FAM20B: variants seen among roughly 807,000 people sequenced by gnomAD.
FAM20B encodes the protein glycosaminoglycan xylosylkinase.
Under a neutral mutation model 43.8 loss-of-function variants are expected in FAM20B, and 23 were observed. That is an observed-to-expected ratio of 0.53 (90% CI 0.38 to 0.74). The LOEUF is 0.74. Ranked by LOEUF, FAM20B falls within the 30% of genes least tolerant of loss-of-function variation. The pLI, the probability that FAM20B is intolerant of heterozygous loss-of-function variation, is 0.00. For missense variants in FAM20B, 440 were observed against 510.5 expected, an observed-to-expected ratio of 0.86 and a Z score of 1.33; for synonymous variants, 178 against 192.4, an observed-to-expected ratio of 0.93 and a Z score of 0.62.
intron 1 of FAM20B, among the ~76,000 whole-genome samples, chr1:179,040,981 C>T (rs144278787): frequency 3.5e-5 from 5 of 140,948 alleles, no homozygotes; most frequent in Admixed American, 6.9e-5. Flanking sequence ...CAGACGGGGC[C>T]GGCGGGCAGA....
In FAM20B at chr1:179,072,881, C is replaced by G. The variant is rs924526136; in HGVS notation, c.*737C>G. ...TAAGGTGTATAAAAAGCAAACATGACTTTGCACCTAAGTAAATTCTGCATT... is the reference window on the plus strand; with the variant it reads ...TAAGGTGTATAAAAAGCAAACATGAGTTTGCACCTAAGTAAATTCTGCATT... On this transcript the variant is annotated 3_prime_UTR_variant, in exon 8 of 8. Coordinates refer to ENST00000263733, the MANE Select transcript of FAM20B (RefSeq NM_014864.4). 1.3e-5 allele frequency: 2 copies of G among 152,194 alleles called. No individual in the cohort carries two copies. Among genetic ancestry groups the G allele is most frequent in the African/African-American group, 2.4e-5 (1 of 41,448 alleles). 9.4% of individuals were successfully genotyped at this position (152,194 alleles called of 1,614,324 possible). A position where few individuals can be genotyped will look rare whatever the true frequency, so the allele number is the denominator to read the frequency against.
chr1:179,041,396 G>A lies in FAM20B; in HGVS notation c.-133-2319G>A, dbSNP rs1572537628. Among the ~76,000 whole-genome samples, 7 of 152,232 alleles carry A rather than the reference G, an allele frequency of 4.6e-5. No individual in the cohort carries two copies. The South Asian group carries it at 1.4e-3, about 32-fold the overall frequency. On this transcript the variant is annotated intron_variant, in intron 1 of 7. Transcript: ENST00000263733. ...GCACTGAGTGAACGAGACTCCGTCT[G>A]CAATCCCGGCACGTCTGGAGGCCGA...
At chr1:179,038,702 G>C (rs1413078940) in intron 1 of FAM20B, among the ~76,000 whole-genome samples, 1 of 152,206 alleles carries the variant, frequency 6.6e-6, no homozygotes, top group East Asian at 1.9e-4. Context: ...TTCTCTGCTA[G>C]CACTGCTGTT....
At chr1:179,071,518 C>T (rs1160888018) in intron 7 of FAM20B, among the ~76,000 whole-genome samples, 1 of 152,098 alleles carries the variant, frequency 6.6e-6, no homozygotes, top group Non-Finnish European at 1.5e-5. Context: ...CCTCTTCCCC[C>T]CACCCAGCAT....
At chr1:179,025,664 T>G (rs1649726028), upstream of FAM20B, 1 of 152,406 alleles carries the variant, frequency 6.6e-6, no homozygotes, top group African/African-American at 2.4e-5. Flanking sequence ...GGCCAGTTTA[T>G]GTAAGCGGGC....
intron 3 of FAM20B, among the ~76,000 whole-genome samples, chr1:179,054,281 CTG>C (rs552537596): frequency 6.6e-6 from 1 of 151,966 alleles, no homozygotes; most frequent in African/African-American, 2.4e-5. Flanking sequence ...TATACCCACT[CTG>C]TAGATTTAAA....
At position 179,043,973 on chromosome 1, in the gene FAM20B, C is replaced by T. The variant is rs1213965920; in HGVS notation, c.126C>T (p.His42=). The part of the protein sequence containing the change: ...AANREDQRAF[H]RMMTGLRVEL... ...ACCGGGAGGACCAGAGGGCCTTTCA[C>T]CGAATGATGACTGGCTTGCGGGTGG... The change falls in exon 2 of 8, where the codon CAC becomes CAT. Residue 42 remains histidine (H), a synonymous_variant. Coordinates refer to ENST00000263733, the MANE Select transcript of FAM20B (RefSeq NM_014864.4). The T allele has an allele frequency of 1.2e-6, 2 of 1,614,140 alleles. No individual in the cohort carries two copies. Among genetic ancestry groups the T allele is most frequent in the East Asian group, 2.2e-5 (1 of 44,888 alleles).
In FAM20B at chr1:179,043,755, G is replaced by T; in HGVS notation, c.-93G>T. ...CATCAGTGAAGAAATGGACCAATGTGTATAATCATGGAATCTCCTTGCTAA... is the reference window on the plus strand; with the variant it reads ...CATCAGTGAAGAAATGGACCAATGTTTATAATCATGGAATCTCCTTGCTAA... On this transcript the variant is annotated 5_prime_UTR_variant, in exon 2 of 8. Transcript: ENST00000263733. The T allele has an allele frequency of 1.5e-6, 2 of 1,293,810 alleles. No homozygotes were observed. Among genetic ancestry groups the T allele is most frequent in the Admixed American group, 2.2e-5 (1 of 45,888 alleles). 80.1% of individuals were successfully genotyped at this position (1,293,810 alleles called of 1,614,324 possible).
intron 4 of FAM20B, among the ~76,000 whole-genome samples, chr1:179,056,505 C>T (rs1192507437): frequency 6.6e-6 from 1 of 152,158 alleles, no homozygotes; most frequent in Non-Finnish European, 1.5e-5. Context: ...ACTAATGTTC[C>T]ATTGTCTGAT....
At chr1:179,046,593 G>A (rs1349592487) in intron 2 of FAM20B, among the ~76,000 whole-genome samples, 4 of 152,132 alleles carry the variant, frequency 2.6e-5, no homozygotes, top group Admixed American at 1.3e-4. Flanking sequence ...CGAAGGTTGC[G>A]GTGAGCTGAG....
In FAM20B at chr1:179,073,606, A is replaced by T. The variant is rs947955039; in HGVS notation, c.*1462A>T. 1 of 152,218 alleles carries T rather than the reference A, an allele frequency of 6.6e-6. No individual in the cohort carries two copies. Among genetic ancestry groups the T allele is most frequent in the African/African-American group, 2.4e-5 (1 of 41,448 alleles). The allele number at this position is 152,218 out of a possible 1,614,324, so 9.4% of individuals were successfully genotyped here. On this transcript the variant is annotated 3_prime_UTR_variant, in exon 8 of 8. Coordinates refer to ENST00000263733, the MANE Select transcript of FAM20B (RefSeq NM_014864.4). The stretch of plus-strand genomic sequence containing the variant: ...CCAAAGTGCTGGGATTACAGGCATG[A>T]GCCACCGTGGCCGGCCAAGATTTTA...
intron 1 of FAM20B, chr1:179,035,372 G>A (rs935646297): frequency 2.8e-6 from 2 of 702,482 alleles, no homozygotes; most frequent in African/African-American, 3.5e-5. Context: ...AGGGGTGTTC[G>A]GTCCTCGTGG....
At chr1:179,040,754 G>C (rs895161991) in intron 1 of FAM20B, among the ~76,000 whole-genome samples, 3 of 147,966 alleles carry the variant, frequency 2.0e-5, no homozygotes, top group Non-Finnish European at 4.5e-5. Context: ...CCTGGCGGGG[G>C]CTGACCCCCA....
At chr1:179,048,580 G>GC (rs1229872658) in intron 2 of FAM20B, among the ~76,000 whole-genome samples, 6 of 152,338 alleles carry the variant, frequency 3.9e-5, no homozygotes, top group Admixed American at 3.9e-4. Context: ...TTCAAGGATA[G>GC]CCTACATCTG....
chr1:179,067,918 C>A (rs1465254815), intron 7 of FAM20B, among the ~76,000 whole-genome samples: 3 of 152,124 alleles, frequency 2.0e-5, no homozygotes, highest in Non-Finnish European at 2.9e-5. Context: ...CACCTGCCAC[C>A]AAACCCAGCT....
the FAM20B span, among the ~76,000 whole-genome samples, chr1:179,018,458 C>A: frequency 6.6e-6 from 1 of 152,100 alleles, no homozygotes; most frequent in Non-Finnish European, 1.5e-5. Flanking sequence ...GGGTGCCCAC[C>A]ATCACGCCTG....
chr1:179,056,944 G>T (rs1651245774), intron 4 of FAM20B, among the ~76,000 whole-genome samples: 1 of 152,106 alleles, frequency 6.6e-6, no homozygotes, highest in African/African-American at 2.4e-5. Flanking sequence ...TGTCTGTTAA[G>T]GTCTTTGGCT....
chr1:179,071,797 A>G (rs1651933487), intron 7 of FAM20B, 116 bp from the exon 8 acceptor site: 1 of 721,254 alleles, frequency 1.4e-6, no homozygotes, highest in Non-Finnish European at 2.4e-6. Flanking sequence ...AGCAAAAATT[A>G]TTTAGTTAAA....
rs551141861 is a variant in FAM20B, at chr1:179,033,335, T to C, written c.-134+7237T>C. ...TTCTTGTGGTACCTTTAAGAGACTT[T>C]GTTAATTATGTATCTTTCTAAATAT... On this transcript the variant is annotated intron_variant, in intron 1 of 7. Transcript: ENST00000263733. Among the ~76,000 whole-genome samples, 13 of 152,378 alleles carry C rather than the reference T, an allele frequency of 8.5e-5. 1 individual carries two copies. In the South Asian group the frequency reaches 1.4e-3, roughly 17 times the overall value.
Sources: allele counts gnomAD v4.1 joint callset (sites outside exome capture counted in the v4.1 genomes callset), GRCh38; gene constraint gnomAD v4.1.1; transcripts MANE v1.5; gene names NCBI Gene and HGNC (gene_info 2026-07-23, HGNC 2026-07-21).